The following CPPED1 variants were observed in gnomAD, a reference collection of about 807,000 sequenced individuals.
CPPED1 encodes the protein serine/threonine-protein phosphatase CPPED1.
Under a neutral mutation model 28.0 loss-of-function variants are expected in CPPED1, and 28 were observed. The ratio of observed to expected loss-of-function variants is 1.00; its 90% CI spans 0.74 to 1.37. The LOEUF (loss-of-function observed/expected upper bound fraction) is 1.37, where lower values mean the gene tolerates loss of function less well. Among genes scored for constraint, CPPED1 ranks in the 40% most tolerant of loss-of-function variants. CPPED1 has a pLI of 0.00. For synonymous variants in CPPED1, 198 were observed against 180.2 expected (o/e 1.10, Z -0.79); for missense variants, 504 against 416.5 (o/e 1.21, Z -1.83).
Position 12,665,078 on chromosome 16 carries a change from A to C in CPPED1, c.753T>G (p.Asn251Lys), listed in dbSNP as rs760516772. ...CGAGGTTCTGGTAGGTACCCCCGGC[A>C]TTCCTGTGGTAGTGGCCTGAGAACA... ...KVVFSGHYHR[N>K]AGGTYQNLDM... Residue 251 changes from asparagine (N) to lysine (K), a missense_variant, in exon 4 of 4, where the codon AAT becomes AAG. Asn to Lys is a moderately conservative substitution (Grantham distance 94). Coordinates refer to ENST00000381774, the MANE Select transcript of CPPED1 (RefSeq NM_018340.3). 6.2e-7 allele frequency: 1 copy of C among 1,606,184 alleles called. No individual in the cohort carries two copies. The highest frequency in any genetic ancestry group is 1.1e-5 in the South Asian group (1 of 90,498).
Position 12,704,455 on chromosome 16 carries a change from G to A in CPPED1, c.715+169C>T, listed in dbSNP as rs533528467. ...TAGACGAGGAAACTGAGGCACAGGAGGATTAACTAGCCAGACATGCAGTCT... is the reference window on the plus strand; with the variant it reads ...TAGACGAGGAAACTGAGGCACAGGAAGATTAACTAGCCAGACATGCAGTCT... On this transcript the variant is annotated intron_variant, in intron 3 of 3. Transcript: ENST00000381774. Among the ~76,000 whole-genome samples the A allele has an allele frequency of 2.0e-4, 31 of 152,298 alleles. No individual in the cohort carries two copies. In the East Asian group the frequency reaches 5.8e-3, roughly 28 times the overall value.
chr16:12,781,231 T>C lies in CPPED1; in HGVS notation c.243A>G (p.Lys81=), dbSNP rs931844349. ...AVQAINKLNP[K]PKFFVLCGDL... is the part of the protein sequence containing the mutation. The stretch of plus-strand genomic sequence containing the variant: ...CGCCGCACAGAACGAAGAATTTGGG[T>C]TTGGGGTTCAGCTTGTTGATGGCCT... Residue 81 remains lysine (K), a synonymous_variant, in exon 2 of 4, where the codon AAA becomes AAG. Coordinates refer to ENST00000381774, the MANE Select transcript of CPPED1 (RefSeq NM_018340.3). 4.3e-6 allele frequency: 7 copies of C among 1,613,930 alleles called. No homozygotes were observed. The highest frequency in any genetic ancestry group is 2.2e-5 in the East Asian group (1 of 44,860).
chr16:12,677,822 T>G (rs2079885490), intron 3 of CPPED1, among the ~76,000 whole-genome samples: 1 of 152,198 alleles, frequency 6.6e-6, no homozygotes, highest in Non-Finnish European at 1.5e-5. Flanking sequence ...GAGGATCACT[T>G]GGAACTTAAT....
chr16:12,742,677 G>C (rs930861265), intron 2 of CPPED1, among the ~76,000 whole-genome samples: 2 of 152,112 alleles, frequency 1.3e-5, no homozygotes, highest in African/African-American at 2.4e-5. Context: ...GAATGTTCAA[G>C]GGTAGTTCAG....
intron 2 of CPPED1, among the ~76,000 whole-genome samples, chr16:12,754,881 G>A (rs1361356782): frequency 1.3e-5 from 2 of 152,140 alleles, no homozygotes; most frequent in Non-Finnish European, 2.9e-5. Flanking sequence ...GCATGGTGGT[G>A]TGTACTTGTA....
intron 3 of CPPED1, among the ~76,000 whole-genome samples, chr16:12,698,223 T>C (rs749614333): frequency 6.6e-6 from 1 of 152,164 alleles, no homozygotes; most frequent in African/African-American, 2.4e-5. Context: ...TGACCACTAT[T>C]CACCTATTGG....
At chr16:12,763,053 A>T (rs995201017) in intron 2 of CPPED1, among the ~76,000 whole-genome samples, 2 of 151,650 alleles carry the variant, frequency 1.3e-5, no homozygotes, top group African/African-American at 4.8e-5. Flanking sequence ...ACATGGTAAA[A>T]CCCCATCTCT....
intron 3 of CPPED1, among the ~76,000 whole-genome samples, chr16:12,679,141 A>C: frequency 6.6e-6 from 1 of 152,214 alleles, no homozygotes; most frequent in East Asian, 1.9e-4. Flanking sequence ...GGAGGACCTA[A>C]AGTAAATATT....
chr16:12,696,489 G>A (rs951717115), intron 3 of CPPED1, among the ~76,000 whole-genome samples: 4 of 149,402 alleles, frequency 2.7e-5, no homozygotes, highest in African/African-American at 9.9e-5. Flanking sequence ...CGCCCAGGGT[G>A]GAATGCAGTG....
chr16:12,790,270 G>C (rs2080588390), intron 1 of CPPED1, among the ~76,000 whole-genome samples: 1 of 152,146 alleles, frequency 6.6e-6, no homozygotes, highest in African/African-American at 2.4e-5. Context: ...TCTTGGATTT[G>C]TCTCTGCTAA....
At position 12,709,493 on chromosome 16, in the gene CPPED1, A is replaced by T. The variant is rs2080068768; in HGVS notation, c.290-4444T>A. ...AAAACACTTAAAAAAATTTTAATGC[A>T]ATTGGTCAAAATAAAACTAGGAGGT... On this transcript the variant is annotated intron_variant, in intron 2 of 3. Transcript: ENST00000381774. The surrounding 1 kb of genome is among the most constrained non-coding windows in gnomAD (Gnocchi z 4.4). 6.6e-6 allele frequency among the ~76,000 whole-genome samples: 1 copy of T among 152,224 alleles called. No individual in the cohort carries two copies. The highest frequency in any genetic ancestry group is 2.1e-4 in the South Asian group (1 of 4,824).
At chr16:12,720,648 T>G (rs1041707286) in intron 2 of CPPED1, among the ~76,000 whole-genome samples, 3 of 152,124 alleles carry the variant, frequency 2.0e-5, no homozygotes, top group Non-Finnish European at 2.9e-5. Context: ...CCACCACACT[T>G]GGCTAATTTT....
chr16:12,764,686 C>T (rs547193091), intron 2 of CPPED1, among the ~76,000 whole-genome samples: 2 of 152,206 alleles, frequency 1.3e-5, no homozygotes, highest in Non-Finnish European at 2.9e-5. Context: ...GCCACCCAGT[C>T]GTGCTCCAGT....
intron 1 of CPPED1, among the ~76,000 whole-genome samples, chr16:12,785,178 G>A (rs573409487): frequency 6.6e-6 from 1 of 152,246 alleles, no homozygotes; most frequent in South Asian, 2.1e-4. Context: ...CTAGAAGGAG[G>A]AATCTCTTTT....
chr16:12,692,307 A>G (rs1298090187), intron 3 of CPPED1, among the ~76,000 whole-genome samples: 1 of 152,222 alleles, frequency 6.6e-6, no homozygotes, highest in Non-Finnish European at 1.5e-5. Flanking sequence ...CACTGCCAGG[A>G]AGACTTTGGT....
At chr16:12,718,161 G>C (rs1195860532) in intron 2 of CPPED1, among the ~76,000 whole-genome samples, 1 of 152,218 alleles carries the variant, frequency 6.6e-6, no homozygotes, top group African/African-American at 2.4e-5. Context: ...ACAAGATTAT[G>C]ACTTCAGGTC....
intron 2 of CPPED1, among the ~76,000 whole-genome samples, chr16:12,737,493 A>G (rs2141208976): frequency 6.6e-6 from 1 of 152,278 alleles, no homozygotes; most frequent in Admixed American, 6.5e-5. Context: ...CCATGCAGGG[A>G]CCTGTCTGGA....
intron 3 of CPPED1, among the ~76,000 whole-genome samples, chr16:12,691,285 CTT>C (rs1291195616): frequency 2.0e-5 from 3 of 152,128 alleles, no homozygotes; most frequent in Non-Finnish European, 4.4e-5. Context: ...TGTGTGTTTT[CTT>C]TCTTTCTTTT....
In CPPED1 at chr16:12,723,857, C is replaced by A. The variant is rs150339121; in HGVS notation, c.290-18808G>T. ...CTCACTTCTCCCCACTGGTTTCTGC[C>A]CATGCCACTGCCTCCACCACACGGG... On this transcript the variant is annotated intron_variant, in intron 2 of 3. Transcript: ENST00000381774. 6.0e-3 allele frequency among the ~76,000 whole-genome samples: 908 copies of A among 152,152 alleles called. 15 individuals carry two copies. The highest frequency in any genetic ancestry group is 0.021 in the African/African-American group (859 of 41,492).
Sources: allele counts gnomAD v4.1 joint callset (sites outside exome capture counted in the v4.1 genomes callset), GRCh38; gene constraint gnomAD v4.1.1; non-coding constraint Gnocchi (gnomAD v3.1); transcripts MANE v1.5; gene names NCBI Gene and HGNC (gene_info 2026-07-23, HGNC 2026-07-21).